The following RNF144B variants were observed in gnomAD, a reference collection of about 807,000 sequenced individuals.
RNF144B encodes E3 ubiquitin-protein ligase RNF144B.
A neutral mutation model predicts 40.2 loss-of-function variants in RNF144B; 25 were observed. The observed-to-expected ratio is 0.62, with a 90% confidence interval of 0.45 to 0.87. The LOEUF (loss-of-function observed/expected upper bound fraction) is 0.87. Ranked by LOEUF, RNF144B falls within the 40% of genes least tolerant of loss-of-function variation. The pLI, the probability that RNF144B is intolerant of heterozygous loss-of-function variation, is 0.00. For synonymous variants in RNF144B, 145 were observed against 136.3 expected (o/e 1.06, Z -0.44); for missense variants, 365 against 373.7 (o/e 0.98, Z 0.19).
chr6:18,454,692 C>T (rs1759287974), intron 4 of RNF144B, among the ~76,000 whole-genome samples: 2 of 152,204 alleles, frequency 1.3e-5, no homozygotes, highest in South Asian at 4.1e-4. Flanking sequence ...AGCTGCACTG[C>T]TTACTAAGGT....
intron 1 of RNF144B, among the ~76,000 whole-genome samples, chr6:18,393,653 A>G (rs1187895186): frequency 6.6e-6 from 1 of 152,216 alleles, no homozygotes; most frequent in African/African-American, 2.4e-5. Context: ...CTTAGCTGAT[A>G]TGGGGATAGC....
In RNF144B at chr6:18,418,521, CT is replaced by C. The variant is rs1183752411; in HGVS notation, c.166-9059del. The stretch of plus-strand genomic sequence containing the variant: ...TATGAAATGTAGAGAGTAGGAAGAT[CT>C]ATACATACAGAAAGTCAAATGGTGG... On this transcript the variant is annotated intron_variant, in intron 2 of 7. Coordinates refer to ENST00000259939, the MANE Select transcript of RNF144B (RefSeq NM_182757.4). This position sits in a 1 kb window ranked among gnomAD's most constrained non-coding sequence, Gnocchi z 5.2. 6.6e-6 allele frequency among the ~76,000 whole-genome samples: 1 copy of C among 152,102 alleles called. No individual in the cohort carries two copies. The highest frequency in any genetic ancestry group is 1.9e-4 in the East Asian group (1 of 5,190).
rs148880848 is a variant in RNF144B, at chr6:18,448,317, C to A, written c.331+8573C>A. ...GATTTACTTGGGGGTAGGTTTAGGT[C>A]ATCTCTATCAGGAAAGAAGGTGGAG... On this transcript the variant is annotated intron_variant, in intron 4 of 7. Transcript: ENST00000259939. This position sits in a 1 kb window ranked among gnomAD's most constrained non-coding sequence, Gnocchi z 4.0. 2.0e-5 allele frequency among the ~76,000 whole-genome samples: 3 copies of A among 151,910 alleles called. No homozygotes were observed. The highest frequency in any genetic ancestry group is 4.4e-5 in the Non-Finnish European group (3 of 67,988).
At chr6:18,451,770 T>A (rs988566767) in intron 4 of RNF144B, among the ~76,000 whole-genome samples, 4 of 152,166 alleles carry the variant, frequency 2.6e-5, no homozygotes, top group African/African-American at 4.8e-5. Context: ...TAAGCTGAGA[T>A]AGGAAGTAAA....
At chr6:18,396,420 AATAAT>A in intron 1 of RNF144B, 1 of 981,146 alleles carries the variant, frequency 1.0e-6, no homozygotes, top group South Asian at 4.7e-5. Flanking sequence ...CTTCTAAAAA[AATAAT>A]ATAGAGTAAG....
At position 18,412,068 on chromosome 6, in the gene RNF144B, T is replaced by C. The variant is rs770506528; in HGVS notation, c.165+12369T>C. ...GTTTTTGCTATTATGAATACATTTT[T>C]TTTACTTATATAAATGTGAAAATAC... On this transcript the variant is annotated intron_variant, in intron 2 of 7. Transcript: ENST00000259939. The surrounding 1 kb of genome is among the most constrained non-coding windows in gnomAD (Gnocchi z 4.2). Among the ~76,000 whole-genome samples, 1 of 152,212 alleles carries C rather than the reference T, an allele frequency of 6.6e-6. No individual in the cohort carries two copies. The highest frequency in any genetic ancestry group is 2.4e-5 in the African/African-American group (1 of 41,464).
rs577373512 is a variant in RNF144B, at chr6:18,396,549, G to A, written c.-36-2950G>A. 30 of 985,374 alleles carry A rather than the reference G, an allele frequency of 3.0e-5. No homozygotes were observed. The African/African-American group carries it at 4.9e-4, about 16-fold the overall frequency. The allele number at this position is 985,374 out of a possible 1,614,324, so 61.0% of individuals were successfully genotyped here. A position where few individuals can be genotyped will look rare whatever the true frequency, so the allele number is the denominator to read the frequency against. ...ACATGGCTAAGTGTATTTGACATTT[G>A]GGGTGTGGGATGGTTCTGGCCTGTG... On this transcript the variant is annotated intron_variant, in intron 1 of 7. Transcript: ENST00000259939.
intron 1 of RNF144B, 135 bp from the exon 2 acceptor site, chr6:18,399,364 G>T: frequency 1.6e-6 from 1 of 631,638 alleles, no homozygotes; most frequent in East Asian, 2.9e-5. Flanking sequence ...CTAGCCCGTC[G>T]TTCCCAGAAA....
At position 18,398,882 on chromosome 6, in the gene RNF144B, C is replaced by T. The variant is rs377441125; in HGVS notation, c.-36-617C>T. ...TTTGAATGACATTCTATTTTAAGTACTTTTTGAGTCTGTTGAATTGATTGT... is the reference window on the plus strand; with the variant it reads ...TTTGAATGACATTCTATTTTAAGTATTTTTTGAGTCTGTTGAATTGATTGT... On this transcript the variant is annotated intron_variant, in intron 1 of 7. Transcript: ENST00000259939. This position sits in a 1 kb window ranked among gnomAD's most constrained non-coding sequence, Gnocchi z 5.0. Among the ~76,000 whole-genome samples, 28 of 152,242 alleles carry T rather than the reference C, an allele frequency of 1.8e-4. No individual in the cohort carries two copies. The highest frequency in any genetic ancestry group is 9.6e-4 in the East Asian group (5 of 5,184).
At chr6:18,393,973 A>G (rs1043780280) in intron 1 of RNF144B, among the ~76,000 whole-genome samples, 2 of 152,174 alleles carry the variant, frequency 1.3e-5, no homozygotes, top group Non-Finnish European at 2.9e-5. Flanking sequence ...TTAGAATTTC[A>G]TAGCATAGCT....
chr6:18,447,249 C>T lies in RNF144B; in HGVS notation c.331+7505C>T, dbSNP rs72832479. ...TGTGAGCAAGCCATATGGATACTTA[C>T]GGGAAGAACATCATTTCAGGCAGAG... On this transcript the variant is annotated intron_variant, in intron 4 of 7. Coordinates refer to ENST00000259939, the MANE Select transcript of RNF144B (RefSeq NM_182757.4). The surrounding 1 kb of genome is among the most constrained non-coding windows in gnomAD (Gnocchi z 5.6). 2.1e-3 allele frequency among the ~76,000 whole-genome samples: 312 copies of T among 152,048 alleles called. 1 individual carries two copies. The highest frequency in any genetic ancestry group is 2.7e-3 in the Non-Finnish European group (182 of 67,994).
At position 18,422,990 on chromosome 6, in the gene RNF144B, C is replaced by T. The variant is rs1305145583; in HGVS notation, c.166-4591C>T. On this transcript the variant is annotated intron_variant, in intron 2 of 7. Transcript: ENST00000259939. This position sits in a 1 kb window ranked among gnomAD's most constrained non-coding sequence, Gnocchi z 4.7. ...AATCAACTAATGGCACTCATTACCT[C>T]CTTCCTCTCAACAGTACCTATTCTC... 2.0e-5 allele frequency among the ~76,000 whole-genome samples: 3 copies of T among 152,044 alleles called. No individual in the cohort carries two copies. Among genetic ancestry groups the T allele is most frequent in the African/African-American group, 7.2e-5 (3 of 41,382 alleles).
In RNF144B at chr6:18,414,695, T is replaced by C. The variant is rs1795111710; in HGVS notation, c.166-12886T>C. On this transcript the variant is annotated intron_variant, in intron 2 of 7. Transcript: ENST00000259939. The surrounding 1 kb of genome is among the most constrained non-coding windows in gnomAD (Gnocchi z 4.9). The stretch of plus-strand genomic sequence containing the variant: ...ACTGAGACAGATTTTATTTAAAATA[T>C]AGGATTTCTGCTTTTAAGCAGTATT... 6.6e-6 allele frequency among the ~76,000 whole-genome samples: 1 copy of C among 152,312 alleles called. No homozygotes were observed. The highest frequency in any genetic ancestry group is 6.5e-5 in the Admixed American group (1 of 15,294).
chr6:18,387,826 G>C (rs912267514), intron 1 of RNF144B, among the ~76,000 whole-genome samples, 196 bp downstream of exon 1: 1 of 152,312 alleles, frequency 6.6e-6, no homozygotes, highest in Non-Finnish European at 1.5e-5. Context: ...AAATGCCTTT[G>C]TTAAAGGAAA....
chr6:18,413,170 A>T (rs1415396126), intron 2 of RNF144B, among the ~76,000 whole-genome samples: 2 of 152,166 alleles, frequency 1.3e-5, no homozygotes, highest in Non-Finnish European at 2.9e-5. Flanking sequence ...GTGAAAATAT[A>T]TAATGTATGG....
At chr6:18,403,902 C>A (rs9396861) in intron 2 of RNF144B, among the ~76,000 whole-genome samples, 82,678 of 151,914 alleles carry the variant, frequency 0.54, 23,823 homozygotes, top group East Asian at 0.72. Flanking sequence ...TCCTGGCTTT[C>A]TAAAAACTCA....
In RNF144B at chr6:18,387,594, G is replaced by A. The variant is rs772557093; in HGVS notation, c.-73G>A. On this transcript the variant is annotated 5_prime_UTR_variant, in exon 1 of 8. Transcript: ENST00000259939. ...CGGTGAGCGCGAGGGAGGCTACTGA[G>A]AAGCCCGGCGACGGAGGAACGCAGG... 24 of 1,319,718 alleles carry A rather than the reference G, an allele frequency of 1.8e-5. No individual in the cohort carries two copies. In the African/African-American group the frequency reaches 2.8e-4, roughly 16 times the overall value. The allele number at this position is 1,319,718 out of a possible 1,614,324, so 81.8% of individuals were successfully genotyped here.
chr6:18,391,530 C>T (rs1252773015), intron 1 of RNF144B, among the ~76,000 whole-genome samples: 1 of 152,122 alleles, frequency 6.6e-6, no homozygotes, highest in Non-Finnish European at 1.5e-5. Context: ...GGGCCTTACC[C>T]TGTAGGGTAA....
rs1177993032 is a variant in RNF144B, at chr6:18,464,688, T to C, written c.772-239T>C. Among the ~76,000 whole-genome samples the C allele has an allele frequency of 6.6e-6, 1 of 152,164 alleles. No homozygotes were observed. The highest frequency in any genetic ancestry group is 1.5e-5 in the Non-Finnish European group (1 of 68,030). ...TAGAGCCTAGAGAAAGAAAGCAAGC[T>C]CTCTGGCATCTGTTCTTGTAAGAGC... On this transcript the variant is annotated intron_variant, in intron 7 of 7. Transcript: ENST00000259939. This position sits in a 1 kb window ranked among gnomAD's most constrained non-coding sequence, Gnocchi z 6.1.
Sources: gnomAD v4.1 joint callset for allele counts (sites outside exome capture counted in the v4.1 genomes callset) on GRCh38, gnomAD v4.1.1 for gene constraint, Gnocchi (gnomAD v3.1) non-coding constraint, MANE v1.5 for transcripts, NCBI Gene and HGNC (gene_info 2026-07-23, HGNC 2026-07-21) for gene names.